Variants in PEX5L observed in about 807,000 individuals in gnomAD.
The protein encoded by PEX5L is peroxisomal biogenesis factor 5 like.
A neutral mutation model predicts 84.0 loss-of-function variants in PEX5L; 30 were observed. The observed-to-expected ratio is 0.36, with a 90% CI of 0.27 to 0.48. The LOEUF (loss-of-function observed/expected upper bound fraction) is 0.48, where lower values mean the gene tolerates loss of function less well. PEX5L is among the 20% of genes least tolerant of loss of function. The pLI, the probability that PEX5L is intolerant of heterozygous loss-of-function variation, is 0.99. For missense variants in PEX5L, 533 were observed against 754.6 expected (o/e 0.71, Z 3.44); for synonymous variants, 270 against 283.1 (o/e 0.95, Z 0.46).
intron 8 of PEX5L, among the ~76,000 whole-genome samples, chr3:179,829,772 C>CT (rs55899128): frequency 0.01 from 1,217 of 120,888 alleles, 12 homozygotes; most frequent in African/African-American, 0.027. Context: ...CTTGCTATAT[C>CT]TTTTTTTTTT....
chr3:179,926,476 T>A (rs1404272), intron 2 of PEX5L, among the ~76,000 whole-genome samples: 15,631 of 152,180 alleles, frequency 0.1, 1,115 homozygotes, highest in Non-Finnish European at 0.16. Context: ...CCTCGGCCTC[T>A]TTTCATATTC....
intron 1 of PEX5L, among the ~76,000 whole-genome samples, chr3:180,035,282 C>G (rs545972563): frequency 3.3e-5 from 5 of 152,096 alleles, no homozygotes; most frequent in Non-Finnish European, 7.4e-5. Flanking sequence ...TTGAATTCTT[C>G]TATGTTACTT....
intron 1 of PEX5L, among the ~76,000 whole-genome samples, chr3:180,027,263 G>A (rs141583561): frequency 3.6e-3 from 554 of 152,288 alleles, no homozygotes; most frequent in Admixed American, 5.2e-3. Context: ...CTCTGCCCCT[G>A]CCTGTTCCCT....
At chr3:180,032,141 G>A (rs1273261986) in intron 1 of PEX5L, among the ~76,000 whole-genome samples, 1 of 152,174 alleles carries the variant, frequency 6.6e-6, no homozygotes, top group East Asian at 1.9e-4. Flanking sequence ...AACATGATTT[G>A]CATGTGAATA....
chr3:179,942,122 C>G (rs1776303196), intron 2 of PEX5L, among the ~76,000 whole-genome samples: 1 of 151,884 alleles, frequency 6.6e-6, no homozygotes, highest in African/African-American at 2.4e-5. Flanking sequence ...CTGCTTTTTA[C>G]CACTGGAGGA....
At chr3:179,838,429 G>A (rs955983306) in intron 8 of PEX5L, among the ~76,000 whole-genome samples, 6 of 152,132 alleles carry the variant, frequency 3.9e-5, no homozygotes, top group African/African-American at 1.4e-4. Flanking sequence ...CTTTACTATA[G>A]CTTCTCTTAA....
chr3:179,942,486 G>T (rs1024844467), intron 2 of PEX5L, among the ~76,000 whole-genome samples: 1 of 152,242 alleles, frequency 6.6e-6, no homozygotes, highest in Non-Finnish European at 1.5e-5. Flanking sequence ...CAAGGCCCCA[G>T]CGCTTCTGCA....
intron 2 of PEX5L, among the ~76,000 whole-genome samples, chr3:179,931,024 T>C (rs908464054): frequency 6.6e-6 from 1 of 152,140 alleles, no homozygotes; most frequent in Admixed American, 6.6e-5. Flanking sequence ...CTAAGAAATG[T>C]TTAAGAAATG....
chr3:179,854,619 G>A (rs1743202284), intron 8 of PEX5L, among the ~76,000 whole-genome samples: 1 of 152,132 alleles, frequency 6.6e-6, no homozygotes, highest in Non-Finnish European at 1.5e-5. Flanking sequence ...TATGTTGGAA[G>A]GTTATATGGC....
intron 2 of PEX5L, among the ~76,000 whole-genome samples, chr3:179,922,441 CTTT>C (rs749208911): frequency 1.7e-5 from 2 of 119,204 alleles, no homozygotes; most frequent in African/African-American, 6.2e-5. Context: ...TCACTGCTTC[CTTT>C]TCTTTTCTTT....
chr3:180,007,594 G>C (rs1020117849), intron 1 of PEX5L, among the ~76,000 whole-genome samples: 14 of 152,200 alleles, frequency 9.2e-5, no homozygotes, highest in African/African-American at 2.9e-4. Flanking sequence ...AGTTCTCCAT[G>C]AGGGCCCTGC....
intron 2 of PEX5L, among the ~76,000 whole-genome samples, chr3:179,930,530 C>T (rs1464408263): frequency 6.6e-6 from 1 of 152,204 alleles, no homozygotes; most frequent in Non-Finnish European, 1.5e-5. Context: ...TGCCTACCCA[C>T]AGAAGTCTCT....
At chr3:179,808,623 TG>T (rs1272667839) in intron 12 of PEX5L, among the ~76,000 whole-genome samples, 186 bp from the exon 13 acceptor site, 7 of 152,186 alleles carry the variant, frequency 4.6e-5, no homozygotes, top group Non-Finnish European at 7.3e-5. Context: ...TTGAATTTCA[TG>T]AACTATTTTG....
In PEX5L at chr3:180,036,891, C is replaced by A; in HGVS notation, c.-292G>T. The stretch of plus-strand genomic sequence containing the variant: ...GCAGGCGCGGGTCCTGCTCGCGGGG[C>A]GTCTCTAGAACTCACTCCTTCTTCG... On this transcript the variant is annotated 5_prime_UTR_variant, in exon 1 of 15. Coordinates refer to ENST00000467460, the MANE Select transcript of PEX5L (RefSeq NM_016559.3). 1.9e-6 allele frequency: 1 copy of A among 514,960 alleles called. No homozygotes were observed. Among genetic ancestry groups the A allele is most frequent in the Non-Finnish European group, 3.5e-6 (1 of 282,202 alleles). The allele number at this position is 514,960 out of a possible 1,614,324, so 31.9% of individuals were successfully genotyped here. A position where few individuals can be genotyped will look rare whatever the true frequency, so the allele number is the denominator to read the frequency against.
intron 1 of PEX5L, among the ~76,000 whole-genome samples, chr3:180,008,261 T>C (rs892667869): frequency 3.3e-5 from 5 of 152,204 alleles, no homozygotes; most frequent in African/African-American, 1.2e-4. Flanking sequence ...TGCTAAAACA[T>C]AACAAGACTC....
chr3:179,920,618 T>A (rs1300448924), intron 2 of PEX5L, among the ~76,000 whole-genome samples: 1 of 152,136 alleles, frequency 6.6e-6, no homozygotes, highest in Non-Finnish European at 1.5e-5. Flanking sequence ...AAAAAGGAGA[T>A]CTGTTCAGAG....
chr3:179,889,524 C>A (rs9810720), intron 3 of PEX5L, among the ~76,000 whole-genome samples: 1 of 152,038 alleles, frequency 6.6e-6, no homozygotes, highest in Admixed American at 6.5e-5. Context: ...GCTTTGAGAA[C>A]GCTTTTCTTC....
chr3:179,898,762 C>A (rs977417533), intron 2 of PEX5L, among the ~76,000 whole-genome samples: 3 of 151,980 alleles, frequency 2.0e-5, no homozygotes, highest in Non-Finnish European at 4.4e-5. Context: ...ATCTAAAAAT[C>A]CTCCAGTGGC....
intron 2 of PEX5L, among the ~76,000 whole-genome samples, chr3:179,947,637 A>G (rs1777925334): frequency 6.6e-6 from 1 of 151,936 alleles, no homozygotes. Flanking sequence ...AGTAAATAGC[A>G]TTTTTTTAAC....
Sources: gnomAD v4.1 joint callset for allele counts (sites outside exome capture counted in the v4.1 genomes callset) on GRCh38, gnomAD v4.1.1 for gene constraint, MANE v1.5 for transcripts, NCBI Gene and HGNC (gene_info 2026-07-23, HGNC 2026-07-21) for gene names.